DAB1: variants seen among roughly 807,000 people sequenced by gnomAD.
DAB1 encodes the protein disabled homolog 1.
DAB1 carries 15 observed loss-of-function variants against 64.6 expected under a neutral mutation model. The observed-to-expected ratio is 0.23, with a 90% CI of 0.16 to 0.36. The LOEUF (loss-of-function observed/expected upper bound fraction) is 0.36, where lower values mean the gene tolerates loss of function less well. Among genes scored for constraint, DAB1 ranks in the 10% least tolerant of loss-of-function variants. The pLI, the probability that DAB1 is intolerant of heterozygous loss-of-function variation, is 1.00. For synonymous variants in DAB1, 235 were observed against 251.9 expected, an observed-to-expected ratio of 0.93 and a Z score of 0.64; for missense variants, 596 against 706.7, an observed-to-expected ratio of 0.84 and a Z score of 1.78.
Position 58,173,474 on chromosome 1 carries a change from C to T in DAB1, n.310-22886G>A, listed in dbSNP as rs143792175. ...ATTCACCCCGAACCCCCTGCAGCAG[C>T]GACCCCACCACTAGTGAATGCCTTC... On this transcript the variant is annotated intron_variant and non_coding_transcript_variant, in intron 4 of 20. Coordinates refer to the DAB1 transcript ENST00000485760. Among the ~76,000 whole-genome samples the T allele has an allele frequency of 2.3e-3, 352 of 152,264 alleles. 4 individuals are homozygous for T. Among genetic ancestry groups the T allele is most frequent in the Middle Eastern group, 0.017 (5 of 294 alleles).
chr1:58,196,961 C>T (rs1414172363), intron 4 of DAB1, among the ~76,000 whole-genome samples: 5 of 152,146 alleles, frequency 3.3e-5, no homozygotes, highest in Non-Finnish European at 7.3e-5. Flanking sequence ...AGATGAAGCC[C>T]ATGTGACTTA....
intron 4 of DAB1, among the ~76,000 whole-genome samples, chr1:58,333,413 T>G (rs1663022894): frequency 6.6e-6 from 1 of 152,136 alleles, no homozygotes; most frequent in Non-Finnish European, 1.5e-5. Flanking sequence ...GTTAAACAAA[T>G]AAAATTATAG....
At chr1:57,964,088 A>G (rs979306530) in intron 5 of DAB1, among the ~76,000 whole-genome samples, 1 of 152,132 alleles carries the variant, frequency 6.6e-6, no homozygotes, top group Non-Finnish European at 1.5e-5. Context: ...GAGCAAGGAC[A>G]TGGCCTCTGG....
chr1:58,013,939 C>T (rs1646704920), intron 5 of DAB1, among the ~76,000 whole-genome samples: 2 of 150,530 alleles, frequency 1.3e-5, no homozygotes, highest in Admixed American at 1.3e-4. Flanking sequence ...TAAGAATTCA[C>T]CAGCACACCA....
chr1:58,251,485 G>A (rs533694259), intron 4 of DAB1, among the ~76,000 whole-genome samples: 46 of 152,332 alleles, frequency 3.0e-4, no homozygotes, highest in African/African-American at 9.6e-4. Context: ...GGGCATTTGG[G>A]AAAGAGGCCT....
chr1:58,472,981 G>T (rs538943268), intron 3 of DAB1, among the ~76,000 whole-genome samples: 3 of 152,134 alleles, frequency 2.0e-5, no homozygotes, highest in Admixed American at 6.5e-5. Context: ...GCCTTCTCAG[G>T]GTGTTCTATG....
intron 5 of DAB1, among the ~76,000 whole-genome samples, chr1:58,127,017 C>A (rs1296642759): frequency 6.7e-6 from 1 of 150,290 alleles, no homozygotes; most frequent in South Asian, 2.2e-4. Flanking sequence ...AGTTCTAGAT[C>A]CCTGAGGAAT....
chr1:57,653,906 C>T (rs77011964), intron 6 of DAB1, among the ~76,000 whole-genome samples: 3,266 of 152,246 alleles, frequency 0.021, 115 homozygotes, highest in African/African-American at 0.075. Flanking sequence ...CCACTGTGCC[C>T]GGCCTATTAG....
intron 2 of DAB1, among the ~76,000 whole-genome samples, chr1:57,280,889 T>G (rs533676382): frequency 2.0e-5 from 3 of 152,318 alleles, no homozygotes; most frequent in East Asian, 3.9e-4. Flanking sequence ...AAACATTTAC[T>G]GATTACCTAC....
chr1:58,446,186 G>T (rs563623950), intron 3 of DAB1, among the ~76,000 whole-genome samples: 3 of 152,040 alleles, frequency 2.0e-5, no homozygotes, highest in Admixed American at 2.0e-4. Flanking sequence ...AATTGATTTC[G>T]TCTTGTGCAC....
intron 3 of DAB1, among the ~76,000 whole-genome samples, chr1:58,373,987 G>A (rs1569699393): frequency 7.4e-6 from 1 of 135,942 alleles, no homozygotes; most frequent in African/African-American, 2.7e-5. Flanking sequence ...CTTTTGAGAA[G>A]TGTCTGTTCA....
At chr1:58,249,800 T>C (rs906870244) in intron 4 of DAB1, among the ~76,000 whole-genome samples, 4 of 152,088 alleles carry the variant, frequency 2.6e-5, no homozygotes, top group Non-Finnish European at 4.4e-5. Context: ...GGGATTCCGC[T>C]TGGGGGGTTC....
chr1:57,178,041 A>T (rs111818121), intron 2 of DAB1, among the ~76,000 whole-genome samples: 1,579 of 152,292 alleles, frequency 0.01, 28 homozygotes, highest in African/African-American at 0.036. Context: ...TTTGCCTTAC[A>T]ACAGTATTAC....
At chr1:58,514,024 A>G (rs1208082975) in intron 2 of DAB1, among the ~76,000 whole-genome samples, 1 of 152,204 alleles carries the variant, frequency 6.6e-6, no homozygotes, top group African/African-American at 2.4e-5. Flanking sequence ...TCAAGTTAAA[A>G]TGTGATAATT....
intron 7 of DAB1, among the ~76,000 whole-genome samples, chr1:57,599,788 G>A (rs1308902434): frequency 2.0e-5 from 3 of 152,064 alleles, no homozygotes; most frequent in East Asian, 1.9e-4. Flanking sequence ...TCCCCAGCCC[G>A]GTGCCTGTAG....
intron 2 of DAB1, among the ~76,000 whole-genome samples, chr1:57,147,404 G>A (rs1659250224): frequency 6.6e-6 from 1 of 151,934 alleles, no homozygotes; most frequent in South Asian, 2.1e-4. Context: ...CCAGCCACAG[G>A]TCTGGACCTG....
chr1:58,229,317 T>C (rs554055848), intron 4 of DAB1, among the ~76,000 whole-genome samples: 2 of 152,288 alleles, frequency 1.3e-5, no homozygotes, highest in South Asian at 4.2e-4. Flanking sequence ...ACAGTATCTC[T>C]TACGTGCATT....
intron 6 of DAB1, among the ~76,000 whole-genome samples, chr1:57,703,949 T>C (rs1646936729): frequency 6.6e-6 from 1 of 152,028 alleles, no homozygotes; most frequent in Non-Finnish European, 1.5e-5. Flanking sequence ...GAAAACCAAG[T>C]ACTGCATGTT....
chr1:57,045,208 T>C (rs1648311156), intron 9 of DAB1, among the ~76,000 whole-genome samples: 1 of 152,144 alleles, frequency 6.6e-6, no homozygotes, highest in South Asian at 2.1e-4. Flanking sequence ...AGGGCAGCCA[T>C]GGTGGGCAGT....
Sources: allele counts gnomAD v4.1 joint callset (sites outside exome capture counted in the v4.1 genomes callset), GRCh38; gene constraint gnomAD v4.1.1; transcripts MANE v1.5; gene names NCBI Gene and HGNC (gene_info 2026-07-23, HGNC 2026-07-21).